SPAM1: variants seen among roughly 807,000 people sequenced by gnomAD.
SPAM1 encodes sperm adhesion molecule 1.
A neutral mutation model predicts 29.6 loss-of-function variants in SPAM1; 22 were observed. The observed-to-expected ratio is 0.74, with a 90% CI of 0.53 to 1.06. The LOEUF is 1.06. SPAM1 is among the 50% of genes least tolerant of loss of function. SPAM1 has a pLI of 0.00. For synonymous variants in SPAM1, 194 were observed against 204.6 expected (o/e 0.95, Z 0.44); for missense variants, 534 against 604.0 (o/e 0.88, Z 1.21).
At chr7:123,928,958 A>G (rs1807981086) in intron 1 of SPAM1, among the ~76,000 whole-genome samples, 1 of 151,988 alleles carries the variant, frequency 6.6e-6, no homozygotes, top group African/African-American at 2.4e-5. Context: ...ATTGATGTTA[A>G]TTTTTCCCCC....
intron 1 of SPAM1, among the ~76,000 whole-genome samples, chr7:123,934,283 A>T (rs1469436718): frequency 1.3e-5 from 2 of 152,216 alleles, no homozygotes; most frequent in African/African-American, 2.4e-5. Context: ...AATCAAAATC[A>T]TAATTAGATA....
downstream of SPAM1, among the ~76,000 whole-genome samples, chr7:123,962,946 G>A (rs149252521): frequency 2.2e-3 from 338 of 151,862 alleles, 1 homozygote; most frequent in African/African-American, 7.8e-3. Flanking sequence ...GTCCATATCA[G>A]TACATTTTTG....
intron 5 of SPAM1, among the ~76,000 whole-genome samples, chr7:123,969,079 A>C (rs1182584889): frequency 6.6e-6 from 1 of 152,016 alleles, no homozygotes; most frequent in Non-Finnish European, 1.5e-5. Context: ...CTAGAAAACA[A>C]AGGCTAGGGT....
intron 1 of SPAM1, among the ~76,000 whole-genome samples, chr7:123,929,398 A>G (rs907518098): frequency 6.6e-6 from 1 of 151,904 alleles, no homozygotes; most frequent in East Asian, 1.9e-4. Flanking sequence ...AGTTGTTCCT[A>G]GGGGGTTGTC....
chr7:123,930,515 C>T (rs1196692907), intron 1 of SPAM1, among the ~76,000 whole-genome samples: 1 of 152,164 alleles, frequency 6.6e-6, no homozygotes, highest in East Asian at 1.9e-4. Context: ...CATGAAAAGA[C>T]TCTCATTTCA....
chr7:123,947,948 G>A (rs1808638228), intron 1 of SPAM1, among the ~76,000 whole-genome samples: 1 of 152,078 alleles, frequency 6.6e-6, no homozygotes, highest in Non-Finnish European at 1.5e-5. Context: ...GTGACACTGG[G>A]AAAGTTAAGA....
chr7:123,959,673 G>A lies in SPAM1; in HGVS notation c.1234G>A (p.Gly412Ser), dbSNP rs754085043. 1.4e-5 allele frequency: 22 copies of A among 1,613,336 alleles called. No individual in the cohort carries two copies. Among genetic ancestry groups the A allele is most frequent in the Non-Finnish European group, 1.8e-5 (21 of 1,179,592 alleles). The stretch of plus-strand genomic sequence containing the variant: ...TAATTTTGCTATTCAACTTGAGAAA[G>A]GTGGAAAGTTCACAGTACGTGGAAA... ...PDNFAIQLEK[G>S]GKFTVRGKPT... The change falls in exon 5 of 5, where the codon GGT (glycine) becomes AGT (serine). Residue 412 changes from glycine (G) to serine (S), a missense_variant. By Grantham distance (56) the Gly-to-Ser change is moderately conservative. Coordinates refer to ENST00000682466, the MANE Select transcript of SPAM1 (RefSeq NM_153189.3).
chr7:123,955,444 C>T (rs1792227572), intron 4 of SPAM1, among the ~76,000 whole-genome samples: 1 of 151,880 alleles, frequency 6.6e-6, no homozygotes, highest in African/African-American at 2.4e-5. Flanking sequence ...GATCTTTATC[C>T]CCCACCTCAT....
intron 5 of SPAM1, among the ~76,000 whole-genome samples, chr7:123,969,638 T>C (rs1792471705): frequency 1.3e-5 from 2 of 152,118 alleles, no homozygotes; most frequent in South Asian, 4.1e-4. Context: ...TCCTGTTTTG[T>C]TGGTCTATGT....
At chr7:123,928,655 A>G (rs1283372554) in intron 1 of SPAM1, among the ~76,000 whole-genome samples, 2 of 152,212 alleles carry the variant, frequency 1.3e-5, no homozygotes, top group African/African-American at 4.8e-5. Context: ...GTCAACTGAA[A>G]AATCCAGTTC....
At chr7:123,944,830 T>C (rs376442681) in intron 1 of SPAM1, among the ~76,000 whole-genome samples, 1 of 152,066 alleles carries the variant, frequency 6.6e-6, no homozygotes, top group East Asian at 1.9e-4. Flanking sequence ...CTGAAAACAA[T>C]GAGACACAGT....
At chr7:123,944,811 G>A (rs1352356278) in intron 1 of SPAM1, among the ~76,000 whole-genome samples, 1 of 152,104 alleles carries the variant, frequency 6.6e-6, no homozygotes, top group Non-Finnish European at 1.5e-5. Flanking sequence ...TTTAAAAGGG[G>A]AGAGAAACCT....
intron 4 of SPAM1, among the ~76,000 whole-genome samples, chr7:123,956,251 G>A (rs1406803497): frequency 6.6e-6 from 1 of 151,830 alleles, no homozygotes; most frequent in East Asian, 1.9e-4. Context: ...TCTCCTTAAT[G>A]GCATTGTCCC....
chr7:123,955,026 T>C lies in SPAM1; in HGVS notation c.984T>C (p.Thr328=), dbSNP rs1435675856. 3 of 1,611,812 alleles carry C rather than the reference T, an allele frequency of 1.9e-6. No homozygotes were observed. Among genetic ancestry groups the C allele is most frequent in the Non-Finnish European group, 2.5e-6 (3 of 1,178,372 alleles). Residue 328 remains threonine (T), a synonymous_variant, in exon 4 of 5, where the codon ACT becomes ACC. Coordinates refer to ENST00000682466, the MANE Select transcript of SPAM1 (RefSeq NM_153189.3). ...AACTTGTGTATACATTTGGCGAAACTGTTGCTCTGGGTGCTTCTGGAATTG... is the reference window on the plus strand; with the variant it reads ...AACTTGTGTATACATTTGGCGAAACCGTTGCTCTGGGTGCTTCTGGAATTG... ...QDELVYTFGE[T]VALGASGIVI... is the part of the protein sequence containing the mutation.
At chr7:123,937,494 G>A (rs965318747) in intron 1 of SPAM1, among the ~76,000 whole-genome samples, 73 of 151,632 alleles carry the variant, frequency 4.8e-4, no homozygotes, top group Non-Finnish European at 6.5e-4. Context: ...CCAGCTACTC[G>A]GGAGGCTGAG....
At chr7:123,942,113 A>T (rs1298431604) in intron 1 of SPAM1, among the ~76,000 whole-genome samples, 1 of 152,224 alleles carries the variant, frequency 6.6e-6, no homozygotes, top group Non-Finnish European at 1.5e-5. Flanking sequence ...TCTAAAGTTT[A>T]AGTTGTCTAG....
chr7:123,947,158 CTTTT>C (rs1808602246), intron 1 of SPAM1, among the ~76,000 whole-genome samples: 1 of 151,842 alleles, frequency 6.6e-6, no homozygotes, highest in South Asian at 2.1e-4. Context: ...AATTATTTTT[CTTTT>C]ATAATAAATG....
chr7:123,956,311 A>C (rs1219686962), intron 4 of SPAM1, among the ~76,000 whole-genome samples: 1 of 151,926 alleles, frequency 6.6e-6, no homozygotes, highest in East Asian at 1.9e-4. Flanking sequence ...TATCTTTCTC[A>C]ACTTCTGATC....
intron 6 of SPAM1, among the ~76,000 whole-genome samples, chr7:123,970,849 C>T (rs958183799): frequency 3.3e-5 from 5 of 151,974 alleles, no homozygotes; most frequent in African/African-American, 1.2e-4. Flanking sequence ...TACGTCCTCC[C>T]AGTCTGGTAT....
Sources: allele counts gnomAD v4.1 joint callset (sites outside exome capture counted in the v4.1 genomes callset), GRCh38; gene constraint gnomAD v4.1.1; transcripts MANE v1.5; gene names NCBI Gene and HGNC (gene_info 2026-07-23, HGNC 2026-07-21).